The following CDC42BPA variants were observed in gnomAD, a reference collection of about 807,000 sequenced individuals.
The protein encoded by CDC42BPA is serine/threonine-protein kinase MRCK alpha.
CDC42BPA carries 80 observed loss-of-function variants against 223.5 expected under a neutral mutation model. That is an observed-to-expected ratio of 0.36 (90% CI 0.30 to 0.43). The LOEUF is 0.43. Ranked by LOEUF, CDC42BPA falls within the 20% of genes least tolerant of loss-of-function variation. CDC42BPA has a pLI of 1.00. For missense variants in CDC42BPA, 1,743 were observed against 2,099.9 expected (o/e 0.83, Z 3.32); for synonymous variants, 694 against 718.6 (o/e 0.97, Z 0.55).
intron 1 of CDC42BPA, among the ~76,000 whole-genome samples, chr1:227,304,395 G>A (rs1333801402): frequency 2.1e-5 from 3 of 144,424 alleles, no homozygotes; most frequent in African/African-American, 7.7e-5. Context: ...AACAAAGCAA[G>A]ATTCTATCTC....
At chr1:227,132,146 G>A (rs1017255236) in intron 10 of CDC42BPA, among the ~76,000 whole-genome samples, 1 of 151,660 alleles carries the variant, frequency 6.6e-6, no homozygotes, top group Non-Finnish European at 1.5e-5. Flanking sequence ...CTCTCCCCAC[G>A]GTCTTCCTCT....
intron 17 of CDC42BPA, among the ~76,000 whole-genome samples, chr1:227,076,874 G>C (rs1364768558): frequency 6.6e-6 from 1 of 151,942 alleles, no homozygotes; most frequent in African/African-American, 2.4e-5. Flanking sequence ...CACTCCATAC[G>C]TGTAATTGCT....
intron 35 of CDC42BPA, 190 bp downstream of exon 35, chr1:227,004,804 T>G: frequency 1.4e-6 from 1 of 711,740 alleles, no homozygotes; most frequent in Non-Finnish European, 2.6e-6. Flanking sequence ...CTAGAAGGAC[T>G]CTGGGACTAT....
intron 15 of CDC42BPA, among the ~76,000 whole-genome samples, chr1:227,100,775 T>TGC (rs1553337932): frequency 1.6e-5 from 2 of 124,324 alleles, no homozygotes; most frequent in African/African-American, 2.8e-5. Context: ...TGTGTGTGTG[T>TGC]GTGCGTGTGC....
intron 2 of CDC42BPA, among the ~76,000 whole-genome samples, chr1:227,249,832 T>C (rs1558867724): frequency 6.6e-6 from 1 of 151,952 alleles, no homozygotes; most frequent in Non-Finnish European, 1.5e-5. Context: ...AAAAAGGAGA[T>C]GGGGATGATT....
intron 16 of CDC42BPA, among the ~76,000 whole-genome samples, chr1:227,082,009 G>C (rs1680769007): frequency 6.6e-6 from 1 of 151,840 alleles, no homozygotes; most frequent in Non-Finnish European, 1.5e-5. Context: ...ATACCAATAA[G>C]AAAACCCAGC....
chr1:227,150,087 G>T (rs765820703), intron 6 of CDC42BPA, among the ~76,000 whole-genome samples: 1 of 151,958 alleles, frequency 6.6e-6, no homozygotes, highest in Non-Finnish European at 1.5e-5. Context: ...AGCTGGACAT[G>T]GTGGCACATG....
In CDC42BPA at chr1:227,135,631, G is replaced by A. The variant is rs374191571; in HGVS notation, c.1390+3945C>T. Among the ~76,000 whole-genome samples, 21 of 152,132 alleles carry A rather than the reference G, an allele frequency of 1.4e-4. No individual in the cohort carries two copies. The South Asian group carries it at 4.4e-3, about 32-fold the overall frequency. The stretch of plus-strand genomic sequence containing the variant: ...GCACTTAGGGAGGCTGAGACGGGCG[G>A]ATCACGAGGTCAGGAGATCGAGACT... On this transcript the variant is annotated intron_variant, in intron 10 of 36. Coordinates refer to ENST00000366766, the MANE Select transcript of CDC42BPA (RefSeq NM_001394014.1).
At chr1:227,268,586 ATGTG>A (rs1558913330) in intron 1 of CDC42BPA, among the ~76,000 whole-genome samples, 6 of 145,308 alleles carry the variant, frequency 4.1e-5, no homozygotes, top group Admixed American at 1.4e-4. Flanking sequence ...GTATATATAT[ATGTG>A]TATATATAGT....
chr1:227,249,784 T>C (rs1480616561), intron 2 of CDC42BPA, among the ~76,000 whole-genome samples: 3 of 152,048 alleles, frequency 2.0e-5, no homozygotes, highest in Admixed American at 1.3e-4. Context: ...CTTTTATCCA[T>C]AAGGCAGGCA....
chr1:227,075,454 T>C (rs1177046048), intron 17 of CDC42BPA, among the ~76,000 whole-genome samples: 2 of 152,168 alleles, frequency 1.3e-5, no homozygotes, highest in Admixed American at 6.5e-5. Flanking sequence ...TCCTCTTAGA[T>C]GGGAGATTGT....
intron 35 of CDC42BPA, among the ~76,000 whole-genome samples, chr1:226,997,285 G>A (rs1323443027): frequency 6.6e-6 from 1 of 152,128 alleles, no homozygotes; most frequent in African/African-American, 2.4e-5. Context: ...TTCTATTTCT[G>A]TGGGATCAGT....
chr1:227,189,845 T>TC (rs1442803965), intron 5 of CDC42BPA, among the ~76,000 whole-genome samples: 1 of 152,152 alleles, frequency 6.6e-6, no homozygotes, highest in Non-Finnish European at 1.5e-5. Context: ...GTCTCACTAG[T>TC]CCCTTGTTGT....
At chr1:227,047,823 T>C in intron 23 of CDC42BPA, 104 bp downstream of exon 23, 1 of 619,162 alleles carries the variant, frequency 1.6e-6, no homozygotes, top group Non-Finnish European at 2.8e-6. Context: ...GTTTTTCTGT[T>C]TGTAAATTTG....
intron 4 of CDC42BPA, among the ~76,000 whole-genome samples, chr1:227,197,754 A>G (rs1205811737): frequency 6.6e-6 from 1 of 152,116 alleles, no homozygotes; most frequent in African/African-American, 2.4e-5. Flanking sequence ...GTCATAGTGG[A>G]TTTTATTCAT....
intron 2 of CDC42BPA, among the ~76,000 whole-genome samples, chr1:227,245,816 C>CA (rs1680846251): frequency 6.6e-6 from 1 of 152,200 alleles, no homozygotes; most frequent in Non-Finnish European, 1.5e-5. Flanking sequence ...TGGGCACCAG[C>CA]AATACCCAGG....
chr1:227,007,668 G>A (rs957356431), intron 34 of CDC42BPA, among the ~76,000 whole-genome samples: 1 of 151,940 alleles, frequency 6.6e-6, no homozygotes, highest in African/African-American at 2.4e-5. Flanking sequence ...TCATCATTTC[G>A]GGCTCAGAAA....
intron 5 of CDC42BPA, among the ~76,000 whole-genome samples, chr1:227,174,372 A>G (rs935978465): frequency 6.6e-6 from 1 of 152,216 alleles, no homozygotes; most frequent in Non-Finnish European, 1.5e-5. Flanking sequence ...ATGATTTTAC[A>G]CATTCCAAGA....
chr1:227,074,135 A>G (rs1678982075), intron 18 of CDC42BPA, 123 bp from the exon 19 acceptor site: 11 of 1,367,470 alleles, frequency 8.0e-6, no homozygotes, highest in Middle Eastern at 3.7e-4. Context: ...GTTTTCTCAT[A>G]AAAAACTCTT....
Sources: allele counts gnomAD v4.1 joint callset (sites outside exome capture counted in the v4.1 genomes callset), GRCh38; gene constraint gnomAD v4.1.1; transcripts MANE v1.5; gene names NCBI Gene and HGNC (gene_info 2026-07-23, HGNC 2026-07-21).